The following COP1 variants were observed in gnomAD, a reference collection of about 807,000 sequenced individuals.
COP1 encodes the protein E3 ubiquitin-protein ligase COP1.
A neutral mutation model predicts 101.3 loss-of-function variants in COP1; 24 were observed. That is an observed-to-expected ratio of 0.24 (90% CI 0.17 to 0.33). COP1 has a LOEUF of 0.33. Ranked by LOEUF, COP1 falls within the 10% of genes least tolerant of loss-of-function variation. The probability of loss-of-function intolerance (pLI) is 1.00; values close to 1 mark genes in which losing one functional copy is unlikely to be tolerated. For missense variants in COP1, 663 were observed against 906.2 expected, an observed-to-expected ratio of 0.73 and a Z score of 3.45; for synonymous variants, 347 against 341.9, an observed-to-expected ratio of 1.01 and a Z score of -0.17.
intron 1 of COP1, among the ~76,000 whole-genome samples, chr1:176,204,966 A>G (rs1700679744): frequency 6.6e-6 from 1 of 152,102 alleles, no homozygotes; most frequent in Non-Finnish European, 1.5e-5. Flanking sequence ...AGAGTTCCCA[A>G]TTCCCTATAG....
chr1:176,056,708 C>T (rs548030799), intron 11 of COP1, among the ~76,000 whole-genome samples: 1 of 152,170 alleles, frequency 6.6e-6, no homozygotes, highest in East Asian at 1.9e-4. Context: ...TTATCAATCA[C>T]GTTTACTTTT....
chr1:176,088,684 A>ATAGT (rs1347885645), intron 9 of COP1, among the ~76,000 whole-genome samples: 4 of 152,176 alleles, frequency 2.6e-5, no homozygotes, highest in Non-Finnish European at 5.9e-5. Context: ...AATTACTGGA[A>ATAGT]TAGTTCTTAG....
intron 15 of COP1, among the ~76,000 whole-genome samples, chr1:176,004,057 G>C (rs1662470222): frequency 6.8e-6 from 1 of 146,360 alleles, no homozygotes; most frequent in African/African-American, 2.5e-5. Flanking sequence ...TCCTTGAAGA[G>C]GTCCTTCACA....
intron 10 of COP1, among the ~76,000 whole-genome samples, chr1:176,085,280 G>A (rs569573597): frequency 1.3e-5 from 2 of 151,316 alleles, no homozygotes; most frequent in Non-Finnish European, 2.9e-5. Flanking sequence ...ACTATCAGTT[G>A]TATTAGTGGA....
intron 18 of COP1, among the ~76,000 whole-genome samples, chr1:175,979,654 G>A (rs1256382374): frequency 6.6e-6 from 1 of 152,074 alleles, no homozygotes; most frequent in Non-Finnish European, 1.5e-5. Flanking sequence ...TTTGAAAATA[G>A]ACAAAATGGG....
At chr1:176,126,468 T>C (rs990497799) in intron 8 of COP1, among the ~76,000 whole-genome samples, 1 of 152,148 alleles carries the variant, frequency 6.6e-6, no homozygotes, top group Non-Finnish European at 1.5e-5. Flanking sequence ...TTTCTTTTCT[T>C]TTTTTTTGAG....
At chr1:176,105,344 T>C (rs1337772466) in intron 9 of COP1, among the ~76,000 whole-genome samples, 9 of 152,130 alleles carry the variant, frequency 5.9e-5, no homozygotes, top group African/African-American at 1.7e-4. Context: ...TTCAAAGAAA[T>C]ATCACAACGA....
intron 18 of COP1, among the ~76,000 whole-genome samples, chr1:175,957,325 C>T (rs1650779870): frequency 1.3e-5 from 2 of 151,662 alleles, no homozygotes; most frequent in African/African-American, 4.8e-5. Context: ...CCATTTTTTA[C>T]CTTTTATATT....
At chr1:176,041,289 A>C (rs1670477693) in intron 14 of COP1, among the ~76,000 whole-genome samples, 1 of 151,798 alleles carries the variant, frequency 6.6e-6, no homozygotes, top group Admixed American at 6.6e-5. Flanking sequence ...GATGCAGTAC[A>C]TTCATTTTTC....
intron 8 of COP1, among the ~76,000 whole-genome samples, chr1:176,120,555 T>G (rs1006776398): frequency 1.3e-5 from 2 of 152,208 alleles, no homozygotes; most frequent in African/African-American, 2.4e-5. Flanking sequence ...CAGTTCTTAA[T>G]GTTCTTGCTG....
At chr1:176,149,588 G>A (rs1692099366) in intron 5 of COP1, among the ~76,000 whole-genome samples, 1 of 152,018 alleles carries the variant, frequency 6.6e-6, no homozygotes, top group Non-Finnish European at 1.5e-5. Flanking sequence ...GAAGATTTCA[G>A]GCAAAATCAA....
intron 15 of COP1, among the ~76,000 whole-genome samples, chr1:176,014,755 C>T (rs1237831926): frequency 2.0e-5 from 3 of 151,924 alleles, no homozygotes; most frequent in Non-Finnish European, 4.4e-5. Flanking sequence ...TGTATACATA[C>T]ATATATATGT....
intron 15 of COP1, among the ~76,000 whole-genome samples, chr1:175,998,086 AAAAAG>A (rs1660684329): frequency 8.1e-6 from 1 of 123,802 alleles, no homozygotes; most frequent in Admixed American, 8.8e-5. Context: ...AAAAAAAAAA[AAAAAG>A]AAAATGTGGC....
At chr1:175,962,447 A>G (rs922935686) in intron 18 of COP1, among the ~76,000 whole-genome samples, 5 of 152,140 alleles carry the variant, frequency 3.3e-5, no homozygotes, top group African/African-American at 4.8e-5. Context: ...TCACTCCTAG[A>G]AGCTCAAAGT....
chr1:175,984,434 G>A (rs1571396380), intron 18 of COP1, among the ~76,000 whole-genome samples: 2 of 152,348 alleles, frequency 1.3e-5, no homozygotes, highest in East Asian at 3.9e-4. Context: ...TTCAGAGGAT[G>A]TATGGAAACG....
chr1:175,978,602 G>A (rs1655104499), intron 18 of COP1, among the ~76,000 whole-genome samples: 1 of 152,114 alleles, frequency 6.6e-6, no homozygotes, highest in Non-Finnish European at 1.5e-5. Flanking sequence ...GAGGAGATGG[G>A]AGTCTTTCTG....
intron 5 of COP1, among the ~76,000 whole-genome samples, chr1:176,156,626 T>TATAA (rs766127340): frequency 2.0e-5 from 3 of 152,070 alleles, no homozygotes; most frequent in Non-Finnish European, 2.9e-5. Flanking sequence ...AAACATTAAC[T>TATAA]ATAAGTAAGA....
chr1:175,975,454 G>T (rs1654304767), intron 18 of COP1, among the ~76,000 whole-genome samples: 1 of 152,094 alleles, frequency 6.6e-6, no homozygotes, highest in East Asian at 1.9e-4. Context: ...TTGTCACCCA[G>T]GCTGGAGTGC....
At chr1:176,084,914 T>C (rs967029074) in intron 10 of COP1, among the ~76,000 whole-genome samples, 27 of 152,100 alleles carry the variant, frequency 1.8e-4, no homozygotes, top group East Asian at 7.8e-4. Context: ...CCTGAATTAA[T>C]TGAGCACCCA....
Sources: allele counts gnomAD v4.1 joint callset (sites outside exome capture counted in the v4.1 genomes callset), GRCh38; gene constraint gnomAD v4.1.1; transcripts MANE v1.5; gene names NCBI Gene and HGNC (gene_info 2026-07-23, HGNC 2026-07-21).